GSG1L: variants seen among roughly 807,000 people sequenced by gnomAD.
GSG1L encodes the protein GSG1 like, also known as germ cell-specific gene 1-like protein.
GSG1L carries 24 observed loss-of-function variants against 42.1 expected under a neutral mutation model. The observed-to-expected ratio is 0.57, with a 90% CI of 0.41 to 0.80. GSG1L has a LOEUF of 0.80. Ranked by LOEUF, GSG1L falls within the 30% of genes least tolerant of loss-of-function variation. The probability of loss-of-function intolerance (pLI) is 0.00; values close to 1 mark genes in which losing one functional copy is unlikely to be tolerated. For synonymous variants in GSG1L, 215 were observed against 203.5 expected, an observed-to-expected ratio of 1.06 and a Z score of -0.48; for missense variants, 445 against 472.2, an observed-to-expected ratio of 0.94 and a Z score of 0.53.
intron 5 of GSG1L, 63 bp downstream of exon 5, chr16:27,828,726 T>C: frequency 6.6e-7 from 1 of 1,518,658 alleles, no homozygotes. Context: ...CGGTGGCCAC[T>C]GAGGCCAGGC....
At chr16:27,969,564 A>G (rs1433389131) in intron 1 of GSG1L, among the ~76,000 whole-genome samples, 1 of 152,252 alleles carries the variant, frequency 6.6e-6, no homozygotes, top group Non-Finnish European at 1.5e-5. Context: ...TGTTATTTAT[A>G]TCACAGAATA....
intron 6 of GSG1L, among the ~76,000 whole-genome samples, chr16:27,804,037 G>GATACA (rs2082923931): frequency 2.3e-5 from 3 of 132,676 alleles, no homozygotes; most frequent in Non-Finnish European, 4.7e-5. Flanking sequence ...TAGATTAGAT[G>GATACA]GATAGATAGA....
chr16:27,873,559 C>T (rs966590939), intron 3 of GSG1L, among the ~76,000 whole-genome samples: 1 of 152,250 alleles, frequency 6.6e-6, no homozygotes, highest in African/African-American at 2.4e-5. Flanking sequence ...CCCGCCCCCT[C>T]TTTGCCAGAT....
chr16:27,825,048 G>A (rs1043721728), intron 5 of GSG1L, among the ~76,000 whole-genome samples: 3 of 152,094 alleles, frequency 2.0e-5, no homozygotes, highest in South Asian at 2.1e-4. Context: ...TGCCTGGCCC[G>A]AGATTGAACA....
intron 2 of GSG1L, among the ~76,000 whole-genome samples, chr16:27,894,367 T>C (rs2084165234): frequency 6.6e-6 from 1 of 152,182 alleles, no homozygotes; most frequent in African/African-American, 2.4e-5. Context: ...ACAAGTGCAT[T>C]ATCAGCCACT....
At chr16:28,026,879 C>A (rs561519088) in intron 1 of GSG1L, among the ~76,000 whole-genome samples, 1 of 152,128 alleles carries the variant, frequency 6.6e-6, no homozygotes, top group Non-Finnish European at 1.5e-5. Context: ...GCCAGGAGTT[C>A]GAGACCAGCC....
intron 5 of GSG1L, among the ~76,000 whole-genome samples, chr16:27,824,542 G>GCA (rs1045603751): frequency 5.3e-5 from 4 of 75,648 alleles, no homozygotes; most frequent in African/African-American, 3.2e-4. Context: ...TGTAGGGAAA[G>GCA]CACAAAAAAA....
intron 1 of GSG1L, among the ~76,000 whole-genome samples, chr16:27,970,805 CTT>C (rs2085186278): frequency 6.6e-6 from 1 of 152,016 alleles, no homozygotes; most frequent in South Asian, 2.1e-4. Context: ...ATTTATGTCT[CTT>C]ATCCATTTAG....
At chr16:27,793,013 A>G (rs1356387970) in intron 6 of GSG1L, among the ~76,000 whole-genome samples, 2 of 152,250 alleles carry the variant, frequency 1.3e-5, no homozygotes, top group African/African-American at 2.4e-5. Context: ...TGTGATCCGT[A>G]TAATTTCATT....
intron 5 of GSG1L, among the ~76,000 whole-genome samples, chr16:27,819,192 G>C (rs2083126071): frequency 6.6e-6 from 1 of 151,660 alleles, no homozygotes; most frequent in Non-Finnish European, 1.5e-5. Flanking sequence ...AGAGGTTGCA[G>C]TGAGCCAAGA....
chr16:27,896,748 G>T (rs915815293), intron 2 of GSG1L, among the ~76,000 whole-genome samples: 8 of 152,156 alleles, frequency 5.3e-5, no homozygotes, highest in Non-Finnish European at 1.0e-4. Flanking sequence ...CAGTGATGCG[G>T]GGCCATGAGC....
At chr16:27,979,727 G>GAAGGAAAA (rs2085300487) in intron 1 of GSG1L, among the ~76,000 whole-genome samples, 1 of 22,756 alleles carries the variant, frequency 4.4e-5, no homozygotes. Context: ...AGGAAGGAAG[G>GAAGGAAAA]AAAGAAAAAG....
At chr16:27,857,374 G>C (rs911005035) in intron 3 of GSG1L, among the ~76,000 whole-genome samples, 3 of 149,130 alleles carry the variant, frequency 2.0e-5, no homozygotes, top group African/African-American at 7.5e-5. Flanking sequence ...GTTGCAGTGA[G>C]CCAAGATCAC....
chr16:27,901,625 G>T (rs570166664), intron 2 of GSG1L, among the ~76,000 whole-genome samples: 1 of 152,326 alleles, frequency 6.6e-6, no homozygotes, highest in East Asian at 1.9e-4. Flanking sequence ...TTGGGAAGAG[G>T]CTGGGATCTG....
intron 3 of GSG1L, among the ~76,000 whole-genome samples, chr16:27,858,994 G>A (rs913723976): frequency 1.3e-5 from 2 of 152,186 alleles, no homozygotes; most frequent in Admixed American, 6.5e-5. Flanking sequence ...TGGAGAGAAT[G>A]GTGAGGCAGG....
chr16:27,808,957 T>C (rs1197226318), intron 5 of GSG1L, among the ~76,000 whole-genome samples: 1 of 152,204 alleles, frequency 6.6e-6, no homozygotes, highest in Non-Finnish European at 1.5e-5. Flanking sequence ...TGCGTCCCAC[T>C]GATGGCTGGG....
intron 2 of GSG1L, among the ~76,000 whole-genome samples, chr16:27,959,855 A>C (rs2085049738): frequency 6.6e-6 from 1 of 152,200 alleles, no homozygotes; most frequent in East Asian, 1.9e-4. Flanking sequence ...ACCACTTACA[A>C]GATTGTGGCA....
intron 1 of GSG1L, among the ~76,000 whole-genome samples, chr16:28,047,187 C>T (rs959681309): frequency 2.0e-5 from 3 of 152,088 alleles, no homozygotes; most frequent in African/African-American, 7.2e-5. Flanking sequence ...TAAGTTGCAA[C>T]GATTATGACA....
At position 28,023,805 on chromosome 16, in the gene GSG1L, G is replaced by A. The variant is rs1370088391; in HGVS notation, c.349+39271C>T. Among the ~76,000 whole-genome samples the A allele has an allele frequency of 7.9e-5, 12 of 152,196 alleles. No individual in the cohort carries two copies. In the East Asian group the frequency reaches 2.3e-3, roughly 29 times the overall value. On this transcript the variant is annotated intron_variant, in intron 1 of 6. Coordinates refer to ENST00000447459, the MANE Select transcript of GSG1L (RefSeq NM_001109763.2). ...TTTGGGAGACCAAGGTGGGAGGATCGCTTGAGCCAAGGAGTTCAAGACCAG... is the reference window on the plus strand; with the variant it reads ...TTTGGGAGACCAAGGTGGGAGGATCACTTGAGCCAAGGAGTTCAAGACCAG...
Sources: allele counts gnomAD v4.1 joint callset (sites outside exome capture counted in the v4.1 genomes callset), GRCh38; gene constraint gnomAD v4.1.1; transcripts MANE v1.5; gene names NCBI Gene and HGNC (gene_info 2026-07-23, HGNC 2026-07-21).